CSMD1: variants seen among roughly 807,000 people sequenced by gnomAD.
CSMD1 encodes CUB and Sushi multiple domains 1, also known as CUB and sushi domain-containing protein 1.
A neutral mutation model predicts 417.5 loss-of-function variants in CSMD1; 213 were observed. The ratio of observed to expected loss-of-function variants is 0.51; its 90% CI spans 0.46 to 0.57. The LOEUF (loss-of-function observed/expected upper bound fraction) is 0.57. CSMD1 is among the 20% of genes least tolerant of loss of function. The pLI is 0.00. For synonymous variants in CSMD1, 2,862 were observed against 1,736.8 expected, an observed-to-expected ratio of 1.65 and a Z score of -16.11; for missense variants, 6,923 against 4,529.7, an observed-to-expected ratio of 1.53 and a Z score of -15.17.
chr8:4,117,065 G>T (rs1350065055), intron 3 of CSMD1, among the ~76,000 whole-genome samples: 1 of 151,758 alleles, frequency 6.6e-6, no homozygotes, highest in African/African-American at 2.4e-5. Context: ...TAACCAGAAT[G>T]AAATCTGGCC....
At chr8:4,923,139 T>C in intron 1 of CSMD1, among the ~76,000 whole-genome samples, 1 of 152,270 alleles carries the variant, frequency 6.6e-6, no homozygotes, top group South Asian at 2.1e-4. Context: ...GGGAAATATT[T>C]TTAAAATATA....
At chr8:4,201,895 G>GGT (rs1441995088) in intron 3 of CSMD1, among the ~76,000 whole-genome samples, 6 of 147,510 alleles carry the variant, frequency 4.1e-5, no homozygotes, top group African/African-American at 1.5e-4. Flanking sequence ...TTTGGGGGGG[G>GGT]GGGGCGCTGC....
intron 3 of CSMD1, among the ~76,000 whole-genome samples, chr8:4,328,047 C>G (rs144327949): frequency 2.3e-3 from 344 of 152,136 alleles, no homozygotes; most frequent in African/African-American, 7.8e-3. Context: ...TATTGGTGAT[C>G]CAAGTACTAA....
chr8:3,990,398 G>T (rs1392449878), intron 5 of CSMD1, among the ~76,000 whole-genome samples: 1 of 152,160 alleles, frequency 6.6e-6, no homozygotes, highest in Non-Finnish European at 1.5e-5. Flanking sequence ...GGTAAGGATG[G>T]AGACGGGGAC....
At chr8:4,277,203 A>G (rs923801560) in intron 3 of CSMD1, among the ~76,000 whole-genome samples, 8 of 135,610 alleles carry the variant, frequency 5.9e-5, no homozygotes, top group Non-Finnish European at 1.7e-5. Flanking sequence ...GATAACATAT[A>G]TATATATATA....
rs1811658761 is a variant in CSMD1 at position 4,994,592 on chromosome 8, T to A, written c.-176A>T. 4 of 616,724 alleles carry A rather than the reference T, an allele frequency of 6.5e-6. No homozygotes were observed. Among genetic ancestry groups the A allele is most frequent in the Non-Finnish European group, 1.2e-5 (4 of 343,568 alleles). 38.2% of individuals were successfully genotyped at this position (616,724 alleles called of 1,614,324 possible). On this transcript the variant is annotated 5_prime_UTR_variant, in exon 1 of 70. An upstream open reading frame in the 5' UTR loses its in-frame stop. Coordinates refer to ENST00000635120, the MANE Select transcript of CSMD1 (RefSeq NM_033225.6). Reference sequence around the variant, plus strand: ...TCTGGGCGCCCGGCTCGCTTCCCTCTCATAGCATCGGGTCCCGAGCCACTG... The same window carrying A: ...TCTGGGCGCCCGGCTCGCTTCCCTCACATAGCATCGGGTCCCGAGCCACTG...
chr8:3,523,800 T>G (rs974294972), intron 10 of CSMD1, among the ~76,000 whole-genome samples: 1 of 129,728 alleles, frequency 7.7e-6, no homozygotes, highest in Non-Finnish European at 1.6e-5. Flanking sequence ...TATGCACACA[T>G]GTGCACATAC....
At chr8:3,393,301 C>T (rs1015464357) in intron 17 of CSMD1, among the ~76,000 whole-genome samples, 4 of 152,166 alleles carry the variant, frequency 2.6e-5, no homozygotes, top group African/African-American at 9.6e-5. Flanking sequence ...GGTGAGGCCT[C>T]TGCTCACTTC....
chr8:4,944,091 T>G (rs1808209551), intron 1 of CSMD1, among the ~76,000 whole-genome samples: 1 of 151,928 alleles, frequency 6.6e-6, no homozygotes. Context: ...AAGTTTGGAG[T>G]AGAAGGAAAG....
At chr8:4,445,230 A>G (rs1241929708) in intron 2 of CSMD1, among the ~76,000 whole-genome samples, 2 of 151,992 alleles carry the variant, frequency 1.3e-5, no homozygotes, top group Admixed American at 1.3e-4. Context: ...TTGTTTGACC[A>G]TTATTTTTCT....
intron 5 of CSMD1, among the ~76,000 whole-genome samples, chr8:3,981,073 G>C (rs1257098160): frequency 6.6e-6 from 1 of 152,126 alleles, no homozygotes; most frequent in Non-Finnish European, 1.5e-5. Context: ...CGTACTTGTA[G>C]TTCCTTCCAA....
At chr8:3,946,731 T>C (rs934264242) in intron 5 of CSMD1, among the ~76,000 whole-genome samples, 1 of 152,212 alleles carries the variant, frequency 6.6e-6, no homozygotes. Flanking sequence ...GTTAGGTCTT[T>C]AGTAATTTCT....
At chr8:3,663,710 T>G (rs990221039) in intron 7 of CSMD1, among the ~76,000 whole-genome samples, 1 of 152,192 alleles carries the variant, frequency 6.6e-6, no homozygotes, top group African/African-American at 2.4e-5. Context: ...TTCCAGCCGT[T>G]CTGCCCGCCT....
At chr8:4,021,747 C>A (rs957017874) in intron 4 of CSMD1, among the ~76,000 whole-genome samples, 3 of 152,062 alleles carry the variant, frequency 2.0e-5, no homozygotes, top group Admixed American at 1.3e-4. Flanking sequence ...ATCCCCGTCC[C>A]CTCCCCAATA....
chr8:4,422,626 T>C (rs1797313899), intron 2 of CSMD1, among the ~76,000 whole-genome samples: 1 of 152,014 alleles, frequency 6.6e-6, no homozygotes, highest in Non-Finnish European at 1.5e-5. Flanking sequence ...TCCAGAACTG[T>C]GAAAAAATAA....
chr8:4,161,948 T>C (rs377417845), intron 3 of CSMD1, among the ~76,000 whole-genome samples: 286 of 152,330 alleles, frequency 1.9e-3, no homozygotes, highest in African/African-American at 6.7e-3. Context: ...GTAAGTATAG[T>C]ACACAACATA....
chr8:3,711,869 C>A (rs530256844), intron 6 of CSMD1, among the ~76,000 whole-genome samples: 1 of 152,150 alleles, frequency 6.6e-6, no homozygotes, highest in Non-Finnish European at 1.5e-5. Context: ...TAGAACTCAA[C>A]GCAAATGTCA....
chr8:4,257,600 G>A (rs1395241229), intron 3 of CSMD1, among the ~76,000 whole-genome samples: 1 of 152,136 alleles, frequency 6.6e-6, no homozygotes, highest in African/African-American at 2.4e-5. Context: ...TGCGGGATAG[G>A]AAAATTTGGT....
intron 10 of CSMD1, among the ~76,000 whole-genome samples, chr8:3,539,778 A>C (rs1798360911): frequency 6.7e-6 from 1 of 150,262 alleles, no homozygotes; most frequent in Non-Finnish European, 1.5e-5. Flanking sequence ...AAAAAAAAAA[A>C]CACAAGAAAG....
Sources: allele counts gnomAD v4.1 joint callset (sites outside exome capture counted in the v4.1 genomes callset), GRCh38; gene constraint gnomAD v4.1.1; transcripts MANE v1.5; gene names NCBI Gene and HGNC (gene_info 2026-07-23, HGNC 2026-07-21).